Variants in AGBL4 observed in about 807,000 individuals in gnomAD.
AGBL4 encodes AGBL carboxypeptidase 4.
A neutral mutation model predicts 66.4 loss-of-function variants in AGBL4; 58 were observed. That is an observed-to-expected ratio of 0.87 (90% CI 0.71 to 1.09). The LOEUF is 1.09. AGBL4 is among the 50% of genes least tolerant of loss of function. The pLI is 0.00. For missense variants in AGBL4, 579 were observed against 631.0 expected (o/e 0.92, Z 0.88); for synonymous variants, 234 against 222.9 (o/e 1.05, Z -0.44).
At chr1:48,614,706 C>G (rs186393482) in intron 9 of AGBL4, among the ~76,000 whole-genome samples, 61 of 152,248 alleles carry the variant, frequency 4.0e-4, no homozygotes, top group Non-Finnish European at 6.2e-4. Flanking sequence ...CTTAACCCAA[C>G]AAAACTACAT....
intron 3 of AGBL4, among the ~76,000 whole-genome samples, chr1:49,535,715 G>A (rs978882088): frequency 4.6e-5 from 7 of 151,706 alleles, no homozygotes; most frequent in African/African-American, 9.7e-5. Context: ...TTTTTGAGAC[G>A]GAGTCTCCCT....
intron 3 of AGBL4, among the ~76,000 whole-genome samples, chr1:49,694,367 T>C (rs1646945057): frequency 6.6e-6 from 1 of 152,174 alleles, no homozygotes; most frequent in Admixed American, 6.5e-5. Context: ...ATATATATTG[T>C]ATCTTTCCTG....
chr1:48,907,750 G>A (rs1010425000), intron 5 of AGBL4, among the ~76,000 whole-genome samples: 4 of 152,146 alleles, frequency 2.6e-5, no homozygotes, highest in African/African-American at 9.7e-5. Context: ...AAAATTCAGA[G>A]GGGGCTCATG....
chr1:48,689,403 A>ACCTT (rs752041153), intron 6 of AGBL4, among the ~76,000 whole-genome samples: 190 of 143,500 alleles, frequency 1.3e-3, no homozygotes, highest in Non-Finnish European at 1.7e-3. Flanking sequence ...CTACCTACCT[A>ACCTT]CCTTCCTTCC....
At chr1:48,775,940 T>G (rs1229719348) in intron 6 of AGBL4, among the ~76,000 whole-genome samples, 1 of 152,206 alleles carries the variant, frequency 6.6e-6, no homozygotes, top group Non-Finnish European at 1.5e-5. Flanking sequence ...GGCTGAGGGA[T>G]GCCTTAGGGC....
chr1:49,621,038 G>A (rs1645350775), intron 3 of AGBL4, among the ~76,000 whole-genome samples: 2 of 152,128 alleles, frequency 1.3e-5, no homozygotes, highest in Admixed American at 1.3e-4. Flanking sequence ...CATGTTTGCA[G>A]TAACATTTAT....
intron 3 of AGBL4, among the ~76,000 whole-genome samples, chr1:49,550,535 G>C (rs1425795668): frequency 6.6e-6 from 1 of 152,148 alleles, no homozygotes; most frequent in Non-Finnish European, 1.5e-5. Flanking sequence ...GTCTGAAAAA[G>C]ACTGTATCTT....
At chr1:49,521,268 A>G (rs1000620956) in intron 3 of AGBL4, among the ~76,000 whole-genome samples, 29 of 152,128 alleles carry the variant, frequency 1.9e-4, no homozygotes, top group African/African-American at 7.0e-4. Flanking sequence ...CTACTCTAAA[A>G]TTCATATGGT....
chr1:49,564,711 A>T (rs1644147290), intron 3 of AGBL4, among the ~76,000 whole-genome samples: 1 of 152,138 alleles, frequency 6.6e-6, no homozygotes, highest in Non-Finnish European at 1.5e-5. Flanking sequence ...TTTGCTGTGG[A>T]GTGCTTTACT....
chr1:49,488,063 T>G (rs1647106108), intron 3 of AGBL4, among the ~76,000 whole-genome samples: 1 of 151,992 alleles, frequency 6.6e-6, no homozygotes, highest in Non-Finnish European at 1.5e-5. Context: ...TGAAATATTA[T>G]CTTATGTTTA....
chr1:49,440,427 G>C (rs1324686469), intron 3 of AGBL4, among the ~76,000 whole-genome samples: 1 of 152,130 alleles, frequency 6.6e-6, no homozygotes, highest in Non-Finnish European at 1.5e-5. Context: ...ACTGTATAGA[G>C]AGTTATGTAA....
At chr1:48,965,320 A>G (rs1658328565) in intron 5 of AGBL4, among the ~76,000 whole-genome samples, 1 of 152,196 alleles carries the variant, frequency 6.6e-6, no homozygotes, top group African/African-American at 2.4e-5. Context: ...TCATAAAGGA[A>G]GTAGCATTTA....
chr1:49,836,521 A>ATGC (rs1645853677), intron 2 of AGBL4, among the ~76,000 whole-genome samples: 1 of 152,172 alleles, frequency 6.6e-6, no homozygotes, highest in South Asian at 2.1e-4. Flanking sequence ...GGGTTAGAAC[A>ATGC]TGCTCCTTTA....
At chr1:48,860,234 TG>T (rs1647356775) in intron 6 of AGBL4, among the ~76,000 whole-genome samples, 1 of 152,228 alleles carries the variant, frequency 6.6e-6, no homozygotes, top group African/African-American at 2.4e-5. Context: ...GTTGAACTTC[TG>T]GGCCAAACGA....
intron 4 of AGBL4, among the ~76,000 whole-genome samples, chr1:49,180,231 G>A (rs1646907268): frequency 1.3e-5 from 2 of 152,142 alleles, no homozygotes; most frequent in Non-Finnish European, 2.9e-5. Flanking sequence ...TTCTTTATCT[G>A]TAAATAAGGA....
At chr1:49,673,504 C>T (rs1461620351) in intron 3 of AGBL4, among the ~76,000 whole-genome samples, 2 of 151,970 alleles carry the variant, frequency 1.3e-5, no homozygotes, top group Non-Finnish European at 2.9e-5. Flanking sequence ...GTAAGGATAC[C>T]CCATTCTTCG....
chr1:49,849,185 G>A (rs1646237508), intron 2 of AGBL4, among the ~76,000 whole-genome samples: 1 of 151,954 alleles, frequency 6.6e-6, no homozygotes, highest in Admixed American at 6.6e-5. Context: ...CTCATCCTGT[G>A]ACTTAATGAA....
At chr1:49,203,908 A>ACTTGTT (rs1227670546) in intron 4 of AGBL4, among the ~76,000 whole-genome samples, 1 of 152,214 alleles carries the variant, frequency 6.6e-6, no homozygotes, top group African/African-American at 2.4e-5. Context: ...GTACACTTAA[A>ACTTGTT]CTTGTTAAAA....
intron 4 of AGBL4, among the ~76,000 whole-genome samples, chr1:49,083,733 T>G (rs1644848697): frequency 6.6e-6 from 1 of 152,226 alleles, no homozygotes; most frequent in Non-Finnish European, 1.5e-5. Context: ...AGAAAATTGG[T>G]TTTTCTTTTC....
Sources: gnomAD v4.1 joint callset for allele counts (sites outside exome capture counted in the v4.1 genomes callset) on GRCh38, gnomAD v4.1.1 for gene constraint, MANE v1.5 for transcripts, NCBI Gene and HGNC (gene_info 2026-07-23, HGNC 2026-07-21) for gene names.